Variants in PDE7B observed in about 807,000 individuals in gnomAD.
PDE7B encodes 3',5'-cyclic-AMP phosphodiesterase 7B.
In PDE7B, 29 loss-of-function variants were observed where a neutral mutation model predicts 56.2. The observed-to-expected ratio is 0.52, with a 90% CI of 0.38 to 0.70. The LOEUF is 0.70. PDE7B is among the 30% of genes least tolerant of loss of function. The pLI is 0.00. For synonymous variants in PDE7B, 197 were observed against 196.9 expected, an observed-to-expected ratio of 1.00 and a Z score of 0.00; for missense variants, 490 against 565.0, an observed-to-expected ratio of 0.87 and a Z score of 1.35.
chr6:135,945,028 G>T (rs1774571316), intron 1 of PDE7B, among the ~76,000 whole-genome samples: 1 of 152,052 alleles, frequency 6.6e-6, no homozygotes. Flanking sequence ...GAACATTTAG[G>T]AAACCTCTGA....
intron 1 of PDE7B, among the ~76,000 whole-genome samples, chr6:135,906,827 T>TTTTTTTTTTTTTTTTTTTGTTTTTTTTG (rs1554265693): frequency 7.5e-6 from 1 of 133,454 alleles, no homozygotes; most frequent in South Asian, 2.7e-4. Context: ...TTTTTTTTTT[T>TTTTTTTTTTTTTTTTTTTGTTTTTTTTG]TTTTTTTTTA....
intron 8 of PDE7B, among the ~76,000 whole-genome samples, chr6:136,157,450 T>A (rs1327910087): frequency 6.6e-6 from 1 of 152,094 alleles, no homozygotes; most frequent in Non-Finnish European, 1.5e-5. Context: ...TCGTGGCACA[T>A]GCTTGTAATC....
At chr6:136,166,195 C>T (rs749107295) in intron 8 of PDE7B, 8 of 152,246 alleles carry the variant, frequency 5.3e-5, no homozygotes, top group African/African-American at 1.2e-4. Flanking sequence ...GCAGCTTTCC[C>T]GTCACGATTA....
chr6:136,141,142 C>G (rs1279116677), intron 3 of PDE7B, among the ~76,000 whole-genome samples: 5 of 152,152 alleles, frequency 3.3e-5, no homozygotes, highest in Non-Finnish European at 5.9e-5. Flanking sequence ...TACGTCCCAT[C>G]AGTACCTAAT....
intron 1 of PDE7B, among the ~76,000 whole-genome samples, chr6:135,874,348 T>C (rs1280550906): frequency 6.6e-6 from 1 of 152,190 alleles, no homozygotes; most frequent in East Asian, 1.9e-4. Context: ...TTACTTTCTT[T>C]CTAATTTATG....
intron 2 of PDE7B, among the ~76,000 whole-genome samples, chr6:136,006,628 C>A (rs2128206673): frequency 6.6e-6 from 1 of 152,206 alleles, no homozygotes; most frequent in South Asian, 2.1e-4. Flanking sequence ...TATTTTATCT[C>A]CCCTGTTAGC....
intron 2 of PDE7B, among the ~76,000 whole-genome samples, chr6:135,973,982 T>C (rs1228669834): frequency 6.6e-6 from 1 of 152,170 alleles, no homozygotes; most frequent in Non-Finnish European, 1.5e-5. Context: ...GGGTCCTCTG[T>C]TCCTCTGCTG....
chr6:136,025,490 C>T (rs929251168), intron 2 of PDE7B, among the ~76,000 whole-genome samples: 26 of 151,998 alleles, frequency 1.7e-4, no homozygotes, highest in African/African-American at 5.6e-4. Context: ...GGGACAGAAA[C>T]GAGGAATGCA....
chr6:135,971,652 A>G (rs2128202932), intron 2 of PDE7B, among the ~76,000 whole-genome samples: 1 of 152,310 alleles, frequency 6.6e-6, no homozygotes, highest in South Asian at 2.1e-4. Context: ...TTGGACTAGA[A>G]TTCAAAAGAC....
chr6:135,864,493 C>T (rs1775213221), intron 1 of PDE7B, among the ~76,000 whole-genome samples: 1 of 152,026 alleles, frequency 6.6e-6, no homozygotes, highest in South Asian at 2.1e-4. Flanking sequence ...TGTAATCCCC[C>T]TCCTCCTTAC....
chr6:136,080,753 G>A (rs552299220), intron 2 of PDE7B, among the ~76,000 whole-genome samples: 10 of 152,244 alleles, frequency 6.6e-5, no homozygotes, highest in Middle Eastern at 3.4e-3. Context: ...TGTGTACTAG[G>A]GACAGAGCCA....
At chr6:136,133,780 T>TGACCAGGA (rs1259605791) in intron 3 of PDE7B, among the ~76,000 whole-genome samples, 5 of 152,106 alleles carry the variant, frequency 3.3e-5, no homozygotes, top group African/African-American at 1.2e-4. Flanking sequence ...TGAATGCCTC[T>TGACCAGGA]GACCAGGAGC....
rs192394215 is a variant in PDE7B, at chr6:136,141,319, C to T, written c.167-6032C>T. Among the ~76,000 whole-genome samples, 3 of 152,280 alleles carry T rather than the reference C, an allele frequency of 2.0e-5. No homozygotes were observed. In the East Asian group the frequency reaches 5.8e-4, roughly 29 times the overall value. ...CCTTGCATCCCAGGGATGAAGCCCA[C>T]TTGATCATGGTGGATAAGCTTTTTG... On this transcript the variant is annotated intron_variant, in intron 3 of 12. Transcript: ENST00000308191.
chr6:136,080,699 A>G (rs1307025699), intron 2 of PDE7B, among the ~76,000 whole-genome samples: 3 of 152,154 alleles, frequency 2.0e-5, no homozygotes, highest in Admixed American at 1.3e-4. Flanking sequence ...TTTATTTTCA[A>G]TTCGTTCATT....
intron 1 of PDE7B, among the ~76,000 whole-genome samples, chr6:135,918,747 G>A (rs1308768583): frequency 6.6e-6 from 1 of 152,138 alleles, no homozygotes; most frequent in Non-Finnish European, 1.5e-5. Flanking sequence ...TGTTTAAGGT[G>A]GAAATACAAT....
intron 1 of PDE7B, among the ~76,000 whole-genome samples, chr6:135,903,922 G>T (rs1239624767): frequency 6.6e-6 from 1 of 152,190 alleles, no homozygotes; most frequent in South Asian, 2.1e-4. Flanking sequence ...CTGTAAGAAA[G>T]TACTTTTCAT....
chr6:135,864,549 G>C (rs767892018), intron 1 of PDE7B, among the ~76,000 whole-genome samples: 2 of 151,756 alleles, frequency 1.3e-5, no homozygotes, highest in Non-Finnish European at 2.9e-5. Flanking sequence ...TGTTTCTGTT[G>C]ATAAGTCAGA....
At chr6:136,021,920 T>C (rs1296825488) in intron 2 of PDE7B, among the ~76,000 whole-genome samples, 2 of 152,210 alleles carry the variant, frequency 1.3e-5, no homozygotes, top group African/African-American at 2.4e-5. Flanking sequence ...CTAATCTACA[T>C]AGCCCAGCAT....
At position 135,936,129 on chromosome 6, in the gene PDE7B, A is replaced by G. The variant is rs115276525; in HGVS notation, c.22-11335A>G. On this transcript the variant is annotated intron_variant, in intron 1 of 12. Coordinates refer to ENST00000308191, the MANE Select transcript of PDE7B (RefSeq NM_018945.4). The stretch of plus-strand genomic sequence containing the variant: ...ACTGGTTTGAATTTCTTTTTAAACT[A>G]CAAGTGTATAGGATTACATTTAATT... Among the ~76,000 whole-genome samples the G allele has an allele frequency of 5.8e-3, 878 of 152,348 alleles. 8 individuals are homozygous for G. The highest frequency in any genetic ancestry group is 0.02 in the African/African-American group (818 of 41,586).
Sources: allele counts gnomAD v4.1 joint callset (sites outside exome capture counted in the v4.1 genomes callset), GRCh38; gene constraint gnomAD v4.1.1; transcripts MANE v1.5; gene names NCBI Gene and HGNC (gene_info 2026-07-23, HGNC 2026-07-21).